Variants in SLC4A4 observed in about 807,000 individuals in gnomAD.
SLC4A4 encodes the protein solute carrier family 4 member 4, also known as electrogenic sodium bicarbonate cotransporter 1.
A neutral mutation model predicts 111.5 loss-of-function variants in SLC4A4; 27 were observed. The observed-to-expected ratio is 0.24, with a 90% CI of 0.18 to 0.33. The LOEUF is 0.33. Ranked by LOEUF, SLC4A4 falls within the 10% of genes least tolerant of loss-of-function variation. The pLI, the probability that SLC4A4 is intolerant of heterozygous loss-of-function variation, is 1.00. For synonymous variants in SLC4A4, 443 were observed against 463.4 expected, an observed-to-expected ratio of 0.96 and a Z score of 0.57; for missense variants, 909 against 1,315.5, an observed-to-expected ratio of 0.69 and a Z score of 4.78.
chr4:71,308,563 C>G (rs1725877948), intron 3 of SLC4A4, among the ~76,000 whole-genome samples: 1 of 152,094 alleles, frequency 6.6e-6, no homozygotes, highest in South Asian at 2.1e-4. Context: ...GGGGGTGCAG[C>G]CCATGGAGGG....
At chr4:71,559,084 A>T (rs893064366) in intron 22 of SLC4A4, among the ~76,000 whole-genome samples, 3 of 151,884 alleles carry the variant, frequency 2.0e-5, no homozygotes, top group Non-Finnish European at 4.4e-5. Flanking sequence ...GTCTTTTCAG[A>T]ACTTTTATTT....
chr4:71,103,774 G>T (rs1287292180), intron 2 of SLC4A4, among the ~76,000 whole-genome samples: 1 of 152,016 alleles, frequency 6.6e-6, no homozygotes, highest in East Asian at 1.9e-4. Flanking sequence ...TTAAAGCAGT[G>T]TGGAGAGGGA....
At chr4:71,114,663 A>G (rs1320850842) in intron 2 of SLC4A4, among the ~76,000 whole-genome samples, 1 of 149,298 alleles carries the variant, frequency 6.7e-6, no homozygotes, top group Non-Finnish European at 1.5e-5. Flanking sequence ...TTAGAAAGGC[A>G]ATCATTAAAA....
intron 1 of SLC4A4, among the ~76,000 whole-genome samples, chr4:71,070,399 G>C (rs1741633964): frequency 6.6e-6 from 1 of 152,166 alleles, no homozygotes; most frequent in Non-Finnish European, 1.5e-5. Context: ...GCCAAGGTGG[G>C]AAAGGGGATA....
chr4:71,472,022 G>A (rs980389511), intron 13 of SLC4A4, among the ~76,000 whole-genome samples: 17 of 151,844 alleles, frequency 1.1e-4, no homozygotes, highest in Non-Finnish European at 4.4e-5. Context: ...CATGTTGGTG[G>A]CACACTGTCC....
intron 16 of SLC4A4, among the ~76,000 whole-genome samples, chr4:71,520,742 CTT>C (rs1321461242): frequency 3.3e-5 from 5 of 152,184 alleles, no homozygotes; most frequent in Non-Finnish European, 7.3e-5. Flanking sequence ...GCCAGTCTCT[CTT>C]TGTGGATGAT....
At chr4:71,094,638 T>C (rs1037095890) in intron 2 of SLC4A4, among the ~76,000 whole-genome samples, 7 of 152,224 alleles carry the variant, frequency 4.6e-5, no homozygotes, top group African/African-American at 1.7e-4. Flanking sequence ...AATCCCAATA[T>C]GTTAACAGGA....
At chr4:71,536,397 A>G (rs958387159) in intron 18 of SLC4A4, among the ~76,000 whole-genome samples, 1 of 143,436 alleles carries the variant, frequency 7.0e-6, no homozygotes, top group Non-Finnish European at 1.5e-5. Flanking sequence ...AAAATTTGCC[A>G]TAGTCTAGAT....
chr4:71,315,884 G>A (rs1182048932), intron 3 of SLC4A4, among the ~76,000 whole-genome samples: 2 of 152,094 alleles, frequency 1.3e-5, no homozygotes, highest in African/African-American at 4.8e-5. Context: ...ATCACTGAGG[G>A]AAACTGAAGT....
intron 3 of SLC4A4, among the ~76,000 whole-genome samples, chr4:71,258,016 C>T (rs556383046): frequency 2.6e-5 from 4 of 152,278 alleles, no homozygotes; most frequent in African/African-American, 7.2e-5. Flanking sequence ...TTAAGTATTT[C>T]TTCATAGAGA....
At chr4:71,399,648 T>G (rs887884200) in intron 7 of SLC4A4, among the ~76,000 whole-genome samples, 11 of 152,002 alleles carry the variant, frequency 7.2e-5, no homozygotes, top group African/African-American at 2.7e-4. Context: ...CTACTCTAGA[T>G]TAAAAATGGT....
intron 2 of SLC4A4, among the ~76,000 whole-genome samples, chr4:71,100,292 G>A (rs570250075): frequency 2.8e-4 from 43 of 151,814 alleles, no homozygotes; most frequent in Non-Finnish European, 4.6e-4. Context: ...GCAAGATTGG[G>A]TCAACATACA....
chr4:71,308,525 A>T (rs1725874496), intron 3 of SLC4A4, among the ~76,000 whole-genome samples: 1 of 152,052 alleles, frequency 6.6e-6, no homozygotes, highest in Non-Finnish European at 1.5e-5. Flanking sequence ...TGAGGTAGCC[A>T]GTTCATCTCA....
intron 2 of SLC4A4, among the ~76,000 whole-genome samples, chr4:71,145,654 C>A (rs1486859000): frequency 6.6e-6 from 1 of 152,154 alleles, no homozygotes; most frequent in Non-Finnish European, 1.5e-5. Context: ...AGAGATTCAA[C>A]TTCTTCCTGG....
chr4:71,172,218 T>G (rs1744963256), intron 2 of SLC4A4, among the ~76,000 whole-genome samples: 1 of 152,092 alleles, frequency 6.6e-6, no homozygotes, highest in Non-Finnish European at 1.5e-5. Context: ...AATTCCTTCT[T>G]CACCATTACA....
intron 6 of SLC4A4, among the ~76,000 whole-genome samples, chr4:71,386,527 A>G (rs1312610185): frequency 1.3e-5 from 2 of 152,006 alleles, no homozygotes; most frequent in East Asian, 1.9e-4. Context: ...CCTTCTTCCC[A>G]TGCTCTTTGG....
chr4:71,132,340 G>A (rs529653343), intron 2 of SLC4A4, among the ~76,000 whole-genome samples: 1 of 152,254 alleles, frequency 6.6e-6, no homozygotes, highest in Non-Finnish European at 1.5e-5. Context: ...CTAACGGCAT[G>A]TCTCAGCTCA....
chr4:71,295,107 A>G (rs1724675241), intron 3 of SLC4A4, among the ~76,000 whole-genome samples: 1 of 152,178 alleles, frequency 6.6e-6, no homozygotes, highest in South Asian at 2.1e-4. Context: ...TGAAGTGGTA[A>G]ACAGCTCATT....
rs1741422211 is a variant in SLC4A4, at chr4:71,062,776, A to G, written c.-77A>G. On this transcript the variant is annotated 5_prime_UTR_variant, in exon 1 of 27. Transcript: ENST00000649996. ...AAAACATATTACCACAGACAATTTG[A>G]AGGACATTGACTGTAAGTAAAACAA... Among the ~76,000 whole-genome samples, 3 of 152,206 alleles carry G rather than the reference A, an allele frequency of 2.0e-5. No homozygotes were observed. In the South Asian group the frequency reaches 6.2e-4, roughly 31 times the overall value.
Sources: allele counts gnomAD v4.1 joint callset (sites outside exome capture counted in the v4.1 genomes callset), GRCh38; gene constraint gnomAD v4.1.1; transcripts MANE v1.5; gene names NCBI Gene and HGNC (gene_info 2026-07-23, HGNC 2026-07-21).